The following HMGCLL1 variants were observed in gnomAD, a reference collection of about 807,000 sequenced individuals.
HMGCLL1 encodes 3-hydroxymethyl-3-methylglutaryl-CoA lyase, cytoplasmic.
A neutral mutation model predicts 39.1 loss-of-function variants in HMGCLL1; 36 were observed. The observed-to-expected ratio is 0.92, with a 90% CI of 0.71 to 1.22. HMGCLL1 has a LOEUF of 1.22. Among genes scored for constraint, HMGCLL1 ranks in the 50% most tolerant of loss-of-function variants. The pLI, the probability that HMGCLL1 is intolerant of heterozygous loss-of-function variation, is 0.00. For missense variants in HMGCLL1, 451 were observed against 416.5 expected, an observed-to-expected ratio of 1.08 and a Z score of -0.72; for synonymous variants, 149 against 144.0, an observed-to-expected ratio of 1.03 and a Z score of -0.25.
chr6:55,437,119 C>T (rs553670192), intron 8 of HMGCLL1, among the ~76,000 whole-genome samples: 1 of 152,032 alleles, frequency 6.6e-6, no homozygotes, highest in East Asian at 1.9e-4. Context: ...TTGTTGATAT[C>T]GCACCAAAGA....
At chr6:55,671,563 T>A in the HMGCLL1 span, among the ~76,000 whole-genome samples, 1 of 151,848 alleles carries the variant, frequency 6.6e-6, no homozygotes, top group African/African-American at 2.4e-5. Context: ...TAGGTACAAC[T>A]GGTAGAAAAC....
chr6:55,665,575 C>A, the HMGCLL1 span, among the ~76,000 whole-genome samples: 2 of 151,672 alleles, frequency 1.3e-5, no homozygotes, highest in Non-Finnish European at 3.0e-5. Context: ...TGCCTCCTTC[C>A]CCACCCCACA....
intron 4 of HMGCLL1, among the ~76,000 whole-genome samples, chr6:55,515,505 A>G (rs1373836791): frequency 6.6e-6 from 1 of 152,114 alleles, no homozygotes; most frequent in Non-Finnish European, 1.5e-5. Context: ...TGAAACAGCT[A>G]TAGCGCAAAA....
rs1561929051 is a variant in HMGCLL1, at chr6:55,514,199, G to GA, written c.394-4dup. 3.1e-6 allele frequency: 5 copies of GA among 1,592,922 alleles called. No homozygotes were observed. The highest frequency in any genetic ancestry group is 4.3e-6 in the Non-Finnish European group (5 of 1,173,544). ...ATCTCAGTAGCTCCAGCAGCAACCT[G>GA]AAAAATATATAATTTAAAGCCAAAT... On this transcript the variant is annotated splice_polypyrimidine_tract_variant and splice_region_variant and intron_variant, in intron 4 of 8. Transcript: ENST00000274901.
At chr6:55,493,577 A>G (rs1410840347) in intron 7 of HMGCLL1, among the ~76,000 whole-genome samples, 4 of 152,150 alleles carry the variant, frequency 2.6e-5, no homozygotes, top group Non-Finnish European at 5.9e-5. Context: ...TCTTCTTTTA[A>G]TTACTAGGAC....
intron 7 of HMGCLL1, among the ~76,000 whole-genome samples, chr6:55,460,166 G>C (rs1764495337): frequency 6.6e-6 from 1 of 151,944 alleles, no homozygotes; most frequent in Admixed American, 6.6e-5. Flanking sequence ...ATATATAGCT[G>C]TGTTTTAGAA....
At chr6:55,650,813 C>T in the HMGCLL1 span, among the ~76,000 whole-genome samples, 1 of 152,066 alleles carries the variant, frequency 6.6e-6, no homozygotes, top group African/African-American at 2.4e-5. Context: ...CTCCCTATGG[C>T]TTCCACCACA....
At chr6:55,652,302 T>A in the HMGCLL1 span, among the ~76,000 whole-genome samples, 2 of 152,002 alleles carry the variant, frequency 1.3e-5, no homozygotes, top group Non-Finnish European at 2.9e-5. Flanking sequence ...AGGACTTCAA[T>A]GTTGTCATAC....
upstream of HMGCLL1, among the ~76,000 whole-genome samples, chr6:55,582,441 T>G (rs1772000996): frequency 6.6e-6 from 1 of 152,182 alleles, no homozygotes; most frequent in Admixed American, 6.5e-5. Context: ...TTTCTGAACT[T>G]AAAATTCTTA....
At chr6:55,462,551 C>A (rs1051840555) in intron 7 of HMGCLL1, among the ~76,000 whole-genome samples, 4 of 152,032 alleles carry the variant, frequency 2.6e-5, no homozygotes, top group African/African-American at 7.3e-5. Flanking sequence ...ACTTAAGTTT[C>A]AAAACATAAT....
In HMGCLL1 at chr6:55,435,472, A is replaced by G. The variant is rs774062171; in HGVS notation, c.*190T>C. The G allele has an allele frequency of 1.8e-5, 7 of 386,708 alleles. No homozygotes were observed. Among genetic ancestry groups the G allele is most frequent in the African/African-American group, 8.3e-5 (4 of 48,086 alleles). 24.0% of individuals were successfully genotyped at this position (386,708 alleles called of 1,614,324 possible). ...TTTTATTATTTATCCTCAGCTTGCA[A>G]TTTACCTGATGACTGATATTGCATT... On this transcript the variant is annotated 3_prime_UTR_variant, in exon 9 of 9. Coordinates refer to ENST00000274901, the MANE Select transcript of HMGCLL1 (RefSeq NM_001042406.2).
chr6:55,572,894 AT>A (rs1186518485), intron 1 of HMGCLL1, among the ~76,000 whole-genome samples: 3 of 152,226 alleles, frequency 2.0e-5, no homozygotes, highest in African/African-American at 4.8e-5. Context: ...AGCAGCCAAT[AT>A]ACTATGCAGG....
intron 7 of HMGCLL1, among the ~76,000 whole-genome samples, chr6:55,444,363 T>C (rs1763726005): frequency 6.6e-6 from 1 of 152,188 alleles, no homozygotes; most frequent in Non-Finnish European, 1.5e-5. Flanking sequence ...GTATATTGTA[T>C]CTTGGTTTTG....
chr6:55,618,364 T>C, the HMGCLL1 span, among the ~76,000 whole-genome samples: 77 of 151,604 alleles, frequency 5.1e-4, 1 homozygote, highest in Admixed American at 2.0e-3. Flanking sequence ...TTTGAACAAA[T>C]GGTGGCCTAT....
At chr6:55,507,643 G>A (rs1767239353) in intron 5 of HMGCLL1, among the ~76,000 whole-genome samples, 1 of 151,698 alleles carries the variant, frequency 6.6e-6, no homozygotes, top group Admixed American at 6.6e-5. Context: ...TCAGAGTTCT[G>A]TATGTCCTGG....
At chr6:55,541,959 GA>G (rs1769463300) in intron 2 of HMGCLL1, 100 bp downstream of exon 2, 2 of 974,796 alleles carry the variant, frequency 2.1e-6, no homozygotes, top group East Asian at 5.2e-5. Context: ...TAGCAATTGA[GA>G]AAAAATATAA....
At chr6:55,537,324 T>C (rs1581915040) in intron 3 of HMGCLL1, among the ~76,000 whole-genome samples, 1 of 152,292 alleles carries the variant, frequency 6.6e-6, no homozygotes, top group African/African-American at 2.4e-5. Context: ...TACAAGTATG[T>C]GATTTATTTA....
At chr6:55,668,399 A>C in the HMGCLL1 span, among the ~76,000 whole-genome samples, 4 of 151,890 alleles carry the variant, frequency 2.6e-5, no homozygotes, top group Non-Finnish European at 5.9e-5. Flanking sequence ...TATCAGCCAG[A>C]GTCAGCTTCT....
intron 3 of HMGCLL1, among the ~76,000 whole-genome samples, chr6:55,539,111 G>T (rs1465101412): frequency 1.3e-5 from 2 of 152,154 alleles, no homozygotes; most frequent in Admixed American, 1.3e-4. Flanking sequence ...CAAAGAGGCA[G>T]GACATGTAAA....
Sources: allele counts gnomAD v4.1 joint callset (sites outside exome capture counted in the v4.1 genomes callset), GRCh38; gene constraint gnomAD v4.1.1; transcripts MANE v1.5; gene names NCBI Gene and HGNC (gene_info 2026-07-23, HGNC 2026-07-21).